SHROOM4: variants seen among roughly 807,000 people sequenced by gnomAD.
SHROOM4 encodes shroom family member 4.
A neutral mutation model predicts 80.3 loss-of-function variants in SHROOM4; 17 were observed. That is an observed-to-expected ratio of 0.21 (90% CI 0.14 to 0.32). The LOEUF (loss-of-function observed/expected upper bound fraction) is 0.32, where lower values mean the gene tolerates loss of function less well. Ranked by LOEUF, SHROOM4 falls within the 10% of genes least tolerant of loss-of-function variation. The pLI is 1.00. For missense variants in SHROOM4, 993 were observed against 1,140.3 expected (o/e 0.87, Z 1.86); for synonymous variants, 400 against 437.5 (o/e 0.91, Z 1.07).
intron 1 of SHROOM4, among the ~76,000 whole-genome samples, chrX:50,718,080 A>C (rs1934011711): frequency 9.0e-6 from 1 of 111,657 alleles, no homozygotes; most frequent in Admixed American, 9.5e-5. Context: ...GATAAGCAAC[A>C]AACATATACT....
chrX:50,803,877 A>G (rs1173637595), intron 1 of SHROOM4, among the ~76,000 whole-genome samples: 1 of 111,837 alleles, frequency 8.9e-6, no homozygotes, highest in Non-Finnish European at 1.9e-5. Context: ...TGATTGATTG[A>G]TTGATTGATT....
At chrX:50,697,052 C>T (rs1001644927) in intron 1 of SHROOM4, among the ~76,000 whole-genome samples, 1 of 111,615 alleles carries the variant, frequency 9.0e-6, no homozygotes, top group Admixed American at 9.5e-5. Context: ...AGTATTGAAT[C>T]ACATTTCTAT....
rs1392389804 is a variant in SHROOM4 at position 50,796,909 on chromosome X, G to A, written c.117+16993C>T. On this transcript the variant is annotated intron_variant, in intron 1 of 8. Transcript: ENST00000376020. ...CAAGGGGAAGATAAGTTCCATTTTA[G>A]ACATACTGGGGTATGAGGTAAAAAA... Among the ~76,000 whole-genome samples, 3 of 110,312 alleles carry A rather than the reference G, an allele frequency of 2.7e-5. No homozygotes were observed. The Admixed American group carries it at 2.9e-4, about 11-fold the overall frequency.
Position 50,635,551 on chromosome X carries a change from C to A in SHROOM4, c.522G>T (p.Leu174=), listed in dbSNP as rs1457861213. ...QPGQATYESH[L]LPIDQNMYPN... ...GGTACATGTTCTGGTCAATAGGCAA[C>A]AGATGGCTCTCATAGGTGGCTTGGC... Residue 174 remains leucine (L), a synonymous_variant, in exon 4 of 9, where the codon CTG becomes CTT. Transcript: ENST00000376020. 8.3e-7 allele frequency: 1 copy of A among 1,208,087 alleles called. No individual in the cohort carries two copies. Among genetic ancestry groups the A allele is most frequent in the Non-Finnish European group, 1.1e-6 (1 of 894,732 alleles).
At chrX:50,655,614 A>C (rs1225973529) in intron 2 of SHROOM4, among the ~76,000 whole-genome samples, 5 of 107,934 alleles carry the variant, frequency 4.6e-5, no homozygotes, top group African/African-American at 1.3e-4. Context: ...TATTCATCAT[A>C]AAGAATAAAT....
intron 7 of SHROOM4, among the ~76,000 whole-genome samples, chrX:50,600,081 C>A (rs1231745058): frequency 9.0e-6 from 1 of 111,666 alleles, no homozygotes; most frequent in Non-Finnish European, 1.9e-5. Flanking sequence ...AATCCCACTT[C>A]TGTTTCCTCA....
rs1934023189 is a variant in SHROOM4 at position 50,718,488 on chromosome X, T to A, written c.118-22551A>T. On this transcript the variant is annotated intron_variant, in intron 1 of 8. Transcript: ENST00000376020. ...GCAGCTGGGGCAGCAGGAGGGGTCT[T>A]GAAGAGGCTCAAAGAGCCTCTCAAA... Among the ~76,000 whole-genome samples, 7 of 40,254 alleles carry A rather than the reference T, an allele frequency of 1.7e-4. 1 individual carries two copies. The Admixed American group carries it at 3.4e-3, about 19-fold the overall frequency. The allele number at this position is 40,254 out of a possible 115,157, so 35.0% of individuals were successfully genotyped here.
At chrX:50,794,902 G>GTATATATATA (rs60153784) in intron 1 of SHROOM4, among the ~76,000 whole-genome samples, 4 of 92,655 alleles carry the variant, frequency 4.3e-5, no homozygotes, top group African/African-American at 1.6e-4. Flanking sequence ...GTATAAATGT[G>GTATATATATA]TATATATATA....
intron 1 of SHROOM4, among the ~76,000 whole-genome samples, chrX:50,757,606 TGA>T (rs1935064715): frequency 9.0e-6 from 1 of 111,588 alleles, no homozygotes; most frequent in African/African-American, 3.3e-5. Flanking sequence ...GTGGATCACT[TGA>T]GGTCAGGATA....
chrX:50,715,352 C>T (rs782250729), intron 1 of SHROOM4, among the ~76,000 whole-genome samples: 1 of 111,451 alleles, frequency 9.0e-6, no homozygotes, highest in South Asian at 3.8e-4. Flanking sequence ...TCCCCAGCAC[C>T]TATGGGTGCT....
intron 1 of SHROOM4, among the ~76,000 whole-genome samples, chrX:50,782,772 T>G (rs781975691): frequency 8.9e-6 from 1 of 111,889 alleles, no homozygotes; most frequent in African/African-American, 3.3e-5. Context: ...GGACAAATAC[T>G]ACATGATTCT....
intron 1 of SHROOM4, among the ~76,000 whole-genome samples, chrX:50,790,916 C>T (rs1935838868): frequency 9.0e-6 from 1 of 111,284 alleles, no homozygotes; most frequent in Non-Finnish European, 1.9e-5. Flanking sequence ...TTCTGTTCAA[C>T]ATAGTGCTGG....
intron 1 of SHROOM4, among the ~76,000 whole-genome samples, chrX:50,714,910 T>A (rs1234850503): frequency 8.1e-5 from 9 of 111,674 alleles, no homozygotes; most frequent in African/African-American, 2.9e-4. Flanking sequence ...TTTGAGACCC[T>A]GTTACATAGA....
chrX:50,645,752 T>G (rs1169174436), intron 2 of SHROOM4, among the ~76,000 whole-genome samples: 2 of 111,556 alleles, frequency 1.8e-5, no homozygotes, highest in African/African-American at 6.5e-5. Context: ...GATAACATGA[T>G]CAAGTATGAC....
chrX:50,641,553 A>T (rs1403554536), intron 2 of SHROOM4, among the ~76,000 whole-genome samples: 5 of 111,141 alleles, frequency 4.5e-5, no homozygotes, highest in Non-Finnish European at 7.5e-5. Flanking sequence ...TCCACTGTTG[A>T]GGTTCTACTG....
intron 2 of SHROOM4, among the ~76,000 whole-genome samples, chrX:50,639,633 G>A (rs1391296002): frequency 9.0e-6 from 1 of 111,482 alleles, no homozygotes; most frequent in Admixed American, 9.5e-5. Flanking sequence ...TGGCTATATC[G>A]TGAGATAAAG....
At chrX:50,650,535 A>G (rs1357485343) in intron 2 of SHROOM4, among the ~76,000 whole-genome samples, 1 of 100,472 alleles carries the variant, frequency 1.0e-5, no homozygotes, top group African/African-American at 3.7e-5. Flanking sequence ...TTTTTTTTGT[A>G]TTTTAGTAGA....
At chrX:50,584,947 C>A (rs1928731307), downstream of SHROOM4, among the ~76,000 whole-genome samples, 1 of 110,853 alleles carries the variant, frequency 9.0e-6, no homozygotes, top group Non-Finnish European at 1.9e-5. Context: ...ATTAACTAAC[C>A]ATGGGTATGT....
chrX:50,666,907 A>G (rs1466494944), intron 2 of SHROOM4, among the ~76,000 whole-genome samples: 1 of 111,732 alleles, frequency 8.9e-6, no homozygotes, highest in Admixed American at 9.5e-5. Flanking sequence ...AAAGGCATTC[A>G]TTAACTTTAT....
Sources: allele counts gnomAD v4.1 joint callset (sites outside exome capture counted in the v4.1 genomes callset), GRCh38; gene constraint gnomAD v4.1.1; transcripts MANE v1.5; gene names NCBI Gene and HGNC (gene_info 2026-07-23, HGNC 2026-07-21).